The following EFR3A variants were observed in gnomAD, a reference collection of about 807,000 sequenced individuals.
The protein encoded by EFR3A is EFR3 homolog A.
Under a neutral mutation model 104.4 loss-of-function variants are expected in EFR3A, and 76 were observed. The observed-to-expected ratio is 0.73, with a 90% CI of 0.60 to 0.88. The LOEUF is 0.88. EFR3A is among the 40% of genes least tolerant of loss of function. The pLI, the probability that EFR3A is intolerant of heterozygous loss-of-function variation, is 0.00. For synonymous variants in EFR3A, 330 were observed against 330.0 expected (o/e 1.00, Z 0.00); for missense variants, 985 against 1,012.5 (o/e 0.97, Z 0.37).
In EFR3A at chr8:131,938,191, C is replaced by A; in HGVS notation, c.11-2308C>A. 3 of 397,192 alleles carry A rather than the reference C, an allele frequency of 7.6e-6. No individual in the cohort carries two copies. In the South Asian group the frequency reaches 3.8e-4, roughly 51 times the overall value. The allele number at this position is 397,192 out of a possible 1,614,324, so 24.6% of individuals were successfully genotyped here. Reference sequence around the variant, plus strand: ...AACAGTAGGTAAAAGGATCTAGAGTCAGAAAGATCGACTAGAAAATAGTCT... The same window carrying A: ...AACAGTAGGTAAAAGGATCTAGAGTAAGAAAGATCGACTAGAAAATAGTCT... On this transcript the variant is annotated intron_variant, in intron 1 of 22. Transcript: ENST00000254624.
chr8:131,956,377 A>G (rs1319829842), intron 7 of EFR3A, among the ~76,000 whole-genome samples: 1 of 152,184 alleles, frequency 6.6e-6, no homozygotes, highest in Non-Finnish European at 1.5e-5. Flanking sequence ...GAGCAAGAAT[A>G]TTAAATATCT....
intron 19 of EFR3A, among the ~76,000 whole-genome samples, chr8:131,997,509 C>T (rs759878926): frequency 2.6e-5 from 4 of 152,028 alleles, no homozygotes; most frequent in Non-Finnish European, 4.4e-5. Context: ...CTTATCAGCA[C>T]GGCATCAAGA....
chr8:131,996,640 T>A, intron 19 of EFR3A, 143 bp downstream of exon 19: 1 of 525,052 alleles, frequency 1.9e-6, no homozygotes, highest in East Asian at 3.5e-5. Flanking sequence ...GAAATTAATC[T>A]GATTTAGCTT....
At chr8:131,954,384 T>C (rs1011773787) in intron 6 of EFR3A, among the ~76,000 whole-genome samples, 3 of 151,948 alleles carry the variant, frequency 2.0e-5, no homozygotes, top group Non-Finnish European at 4.4e-5. Flanking sequence ...ATGATAATAA[T>C]AGCTACCCAC....
intron 1 of EFR3A, among the ~76,000 whole-genome samples, chr8:131,915,559 T>C (rs1292557854): frequency 6.6e-6 from 1 of 152,226 alleles, no homozygotes. Flanking sequence ...TAAATTGCTA[T>C]AACACAGAGA....
chr8:131,936,529 GCT>G (rs1491262249), intron 1 of EFR3A, among the ~76,000 whole-genome samples: 7 of 151,296 alleles, frequency 4.6e-5, no homozygotes, highest in Non-Finnish European at 1.0e-4. Context: ...ACACACACAT[GCT>G]CTCTCTGTCT....
Position 131,962,466 on chromosome 8 carries a change from C to CTAT in EFR3A, c.855+2806_855+2808dup, listed in dbSNP as rs534511354. ...CAAAGATCAAAAGAAACAAAGAAGG[C>CTAT]TATTACATAATGGTAAAGGGATCAA... On this transcript the variant is annotated intron_variant, in intron 8 of 22. Coordinates refer to ENST00000254624, the MANE Select transcript of EFR3A (RefSeq NM_015137.6). Among the ~76,000 whole-genome samples, 21 of 152,254 alleles carry CTAT rather than the reference C, an allele frequency of 1.4e-4. No individual in the cohort carries two copies. In the East Asian group the frequency reaches 3.7e-3, roughly 27 times the overall value.
At chr8:131,957,926 C>T (rs561829228) in intron 7 of EFR3A, among the ~76,000 whole-genome samples, 250 of 152,186 alleles carry the variant, frequency 1.6e-3, no homozygotes, top group African/African-American at 5.9e-3. Context: ...TTAGGCTATA[C>T]TGTAGAGATC....
intron 19 of EFR3A, among the ~76,000 whole-genome samples, chr8:132,000,318 C>T (rs751485393): frequency 1.3e-5 from 2 of 151,914 alleles, no homozygotes; most frequent in African/African-American, 4.8e-5. Flanking sequence ...TTAGTAGAGA[C>T]GGGGTTTCAC....
At chr8:131,913,464 G>GT (rs200287701) in intron 1 of EFR3A, among the ~76,000 whole-genome samples, 29,300 of 147,044 alleles carry the variant, frequency 0.2, 3,444 homozygotes, top group East Asian at 0.48. Context: ...CACTAGTCAG[G>GT]TTTTTTTTTT....
At position 131,978,703 on chromosome 8, in the gene EFR3A, C is replaced by T. The variant is rs544641472; in HGVS notation, c.1327-144C>T. 364 of 632,884 alleles carry T rather than the reference C, an allele frequency of 5.8e-4. 2 individuals are homozygous for T. The African/African-American group carries it at 6.3e-3, about 11-fold the overall frequency. The allele number at this position is 632,884 out of a possible 1,614,324, so 39.2% of individuals were successfully genotyped here. On this transcript the variant is annotated intron_variant, in intron 12 of 22. Coordinates refer to ENST00000254624, the MANE Select transcript of EFR3A (RefSeq NM_015137.6). ...GTAAATTCAGCAAAATCCTTCATTA[C>T]TTTGCACATTTCTTTTATGTCTTTT...
At chr8:131,921,239 G>C (rs1817004738) in intron 1 of EFR3A, among the ~76,000 whole-genome samples, 1 of 152,156 alleles carries the variant, frequency 6.6e-6, no homozygotes, top group African/African-American at 2.4e-5. Context: ...CTTTGTGAGG[G>C]CTGTGAAGGA....
intron 1 of EFR3A, among the ~76,000 whole-genome samples, chr8:131,909,203 T>C (rs1277405010): frequency 6.6e-6 from 1 of 152,202 alleles, no homozygotes; most frequent in East Asian, 1.9e-4. Context: ...GATAAGTTAT[T>C]CTTTGGATAC....
intron 1 of EFR3A, among the ~76,000 whole-genome samples, chr8:131,908,280 T>C (rs1816349579): frequency 6.6e-6 from 1 of 152,104 alleles, no homozygotes; most frequent in Admixed American, 6.5e-5. Flanking sequence ...CAGGATGGTC[T>C]CAATCTCCTG....
chr8:131,925,340 C>T (rs904434483), intron 1 of EFR3A, among the ~76,000 whole-genome samples: 4 of 152,098 alleles, frequency 2.6e-5, no homozygotes, highest in African/African-American at 9.7e-5. Context: ...ACAATCTGTG[C>T]AGTTAGTTAA....
chr8:131,963,875 G>C (rs1440368633), intron 8 of EFR3A, among the ~76,000 whole-genome samples: 1 of 152,172 alleles, frequency 6.6e-6, no homozygotes, highest in Non-Finnish European at 1.5e-5. Context: ...TATCCACCAT[G>C]ATCAAGTGGG....
At chr8:131,996,291 G>C in intron 18 of EFR3A, 115 bp from the exon 19 acceptor site, 1 of 622,032 alleles carries the variant, frequency 1.6e-6, no homozygotes, top group Non-Finnish European at 2.6e-6. Flanking sequence ...GAACAAAAAA[G>C]ACAAACTGTC....
intron 8 of EFR3A, among the ~76,000 whole-genome samples, chr8:131,967,362 G>A (rs1326784266): frequency 6.6e-6 from 1 of 152,016 alleles, no homozygotes; most frequent in African/African-American, 2.4e-5. Flanking sequence ...TATGCATAGG[G>A]CACTCCTGCT....
intron 18 of EFR3A, among the ~76,000 whole-genome samples, chr8:131,990,645 A>G (rs1821130323): frequency 6.6e-6 from 1 of 152,160 alleles, no homozygotes; most frequent in Non-Finnish European, 1.5e-5. Context: ...GCATTTTAGA[A>G]GTAGTACTTT....
Sources: allele counts gnomAD v4.1 joint callset (sites outside exome capture counted in the v4.1 genomes callset), GRCh38; gene constraint gnomAD v4.1.1; transcripts MANE v1.5; gene names NCBI Gene and HGNC (gene_info 2026-07-23, HGNC 2026-07-21).